The following BPHL variants were observed in gnomAD, a reference collection of about 807,000 sequenced individuals.
BPHL encodes the protein biphenyl hydrolase like.
Under a neutral mutation model 31.2 loss-of-function variants are expected in BPHL, and 27 were observed. That is an observed-to-expected ratio of 0.87 (90% CI 0.64 to 1.19). BPHL has a LOEUF of 1.19. Ranked by LOEUF, BPHL falls within the 50% of genes most tolerant of loss-of-function variation. BPHL has a pLI of 0.00. For missense variants in BPHL, 356 were observed against 375.7 expected, an observed-to-expected ratio of 0.95 and a Z score of 0.43; for synonymous variants, 150 against 146.8, an observed-to-expected ratio of 1.02 and a Z score of -0.16.
intron 5 of BPHL, chr6:3,139,552 G>T (rs373450575): frequency 6.6e-6 from 1 of 152,162 alleles, no homozygotes; most frequent in Non-Finnish European, 1.5e-5. Flanking sequence ...CGTGCAGGGC[G>T]GGGGAGCACT....
chr6:3,141,830 C>T (rs1052888525), intron 6 of BPHL, among the ~76,000 whole-genome samples: 5 of 151,776 alleles, frequency 3.3e-5, no homozygotes, highest in African/African-American at 4.8e-5. Context: ...AAAAATTAGC[C>T]GGGCATGGTG....
intron 3 of BPHL, among the ~76,000 whole-genome samples, chr6:3,128,762 G>T (rs929650431): frequency 6.6e-6 from 1 of 152,202 alleles, no homozygotes; most frequent in African/African-American, 2.4e-5. Context: ...TTAAGTACTT[G>T]GTCTCCATTG....
rs1343729158 is a variant in BPHL, at chr6:3,127,247, G to A, written c.217G>A (p.Gly73Arg). 1.3e-6 allele frequency: 2 copies of A among 1,545,676 alleles called. No individual in the cohort carries two copies. The highest frequency in any genetic ancestry group is 2.3e-5 in the East Asian group (1 of 43,304). ...AACCAAGTGGCTGTTTTTAGGAAGT[G>A]GAGAGACTGATTTTGGACCTCAGCT... is the stretch of plus-strand genomic sequence containing the variant. ...VLLLPGMLGS[G>R]ETDFGPQLKN... Residue 73 changes from glycine to arginine, a missense_variant, in exon 3 of 7, where the codon GGA (glycine) becomes AGA (arginine). Gly to Arg is a moderately radical substitution (Grantham distance 125, BLOSUM62 -2). Coordinates refer to ENST00000380379, the MANE Select transcript of BPHL (RefSeq NM_004332.4).
intron 6 of BPHL, among the ~76,000 whole-genome samples, chr6:3,145,968 TCGGAG>T (rs1762334480): frequency 1.5e-5 from 1 of 66,018 alleles, no homozygotes. Flanking sequence ...CTGGTTTGGG[TCGGAG>T]TGCTGGTTTG....
chr6:3,129,637 G>A (rs1163634678), intron 4 of BPHL, among the ~76,000 whole-genome samples: 1 of 152,150 alleles, frequency 6.6e-6, no homozygotes, highest in African/African-American at 2.4e-5. Context: ...TTGTGCCACT[G>A]CACTTTTGCC....
chr6:3,147,497 G>C (rs951482063), intron 6 of BPHL, among the ~76,000 whole-genome samples: 7 of 151,950 alleles, frequency 4.6e-5, no homozygotes, highest in African/African-American at 1.7e-4. Context: ...GCAGTGGCCC[G>C]ATCATAGCTC....
At chr6:3,129,544 C>T (rs1173948300) in intron 4 of BPHL, among the ~76,000 whole-genome samples, 2 of 152,124 alleles carry the variant, frequency 1.3e-5, no homozygotes, top group Non-Finnish European at 2.9e-5. Context: ...CACAGTGGCT[C>T]ATGCCTGTAA....
At chr6:3,128,958 T>G in intron 3 of BPHL, 87 bp from the exon 4 acceptor site, 1 of 1,578,294 alleles carries the variant, frequency 6.3e-7, no homozygotes, top group Non-Finnish European at 8.7e-7. Context: ...GCCTCACACC[T>G]GTATTGATTC....
intron 6 of BPHL, among the ~76,000 whole-genome samples, 185 bp from the exon 7 acceptor site, chr6:3,152,303 A>C (rs1762544436): frequency 6.6e-6 from 1 of 152,200 alleles, no homozygotes; most frequent in Non-Finnish European, 1.5e-5. Flanking sequence ...CATAAACTCC[A>C]AGAGTTTCAC....
chr6:3,130,991 G>A (rs568205096), intron 4 of BPHL, among the ~76,000 whole-genome samples: 3 of 152,062 alleles, frequency 2.0e-5, no homozygotes, highest in South Asian at 2.1e-4. Flanking sequence ...CCCCTCCCGC[G>A]GCCTCTAGGA....
intron 5 of BPHL, chr6:3,139,927 T>G (rs886947503): frequency 6.2e-6 from 1 of 161,738 alleles, no homozygotes; most frequent in Non-Finnish European, 1.3e-5. Context: ...AGAAGCTGCT[T>G]TACCGTGCGC....
intron 6 of BPHL, among the ~76,000 whole-genome samples, chr6:3,148,147 A>G (rs1032342383): frequency 6.6e-6 from 1 of 152,216 alleles, no homozygotes; most frequent in African/African-American, 2.4e-5. Flanking sequence ...TCACAGGGTG[A>G]AGGGCTGATG....
At chr6:3,139,019 C>T (rs1158781952) in intron 5 of BPHL, 1 of 152,108 alleles carries the variant, frequency 6.6e-6, no homozygotes, top group Non-Finnish European at 1.5e-5. Flanking sequence ...TGTAGGGATT[C>T]ATTGCATTGC....
intron 2 of BPHL, among the ~76,000 whole-genome samples, chr6:3,125,935 T>G (rs1339084979): frequency 6.6e-6 from 1 of 152,230 alleles, no homozygotes; most frequent in Admixed American, 6.5e-5. Context: ...ATCAGCAGAC[T>G]TCACTGATAA....
intron 1 of BPHL, 36 bp from the exon 2 acceptor site, chr6:3,123,621 C>T (rs372923387): frequency 6.3e-7 from 1 of 1,578,518 alleles, no homozygotes; most frequent in Non-Finnish European, 8.7e-7. Flanking sequence ...CCCATCTCCC[C>T]TTTCCCCCTG....
intron 4 of BPHL, among the ~76,000 whole-genome samples, chr6:3,134,438 CTT>C (rs554446648): frequency 2.3e-4 from 30 of 132,538 alleles, no homozygotes; most frequent in Non-Finnish European, 2.9e-4. Context: ...CTTTTCTTTC[CTT>C]TTTTTTTTTT....
chr6:3,126,793 G>A, intron 2 of BPHL: 1 of 140,514 alleles, frequency 7.1e-6, no homozygotes, highest in Non-Finnish European at 1.5e-5. Context: ...CTTGCCCTGT[G>A]CTCAGGCTGG....
At chr6:3,135,138 C>CA (rs1761978657) in intron 4 of BPHL, among the ~76,000 whole-genome samples, 1 of 152,254 alleles carries the variant, frequency 6.6e-6, no homozygotes, top group Non-Finnish European at 1.5e-5. Context: ...TCTTTCTTCT[C>CA]AAATGTTCCT....
At chr6:3,120,073 T>C (rs935046279) in intron 1 of BPHL, among the ~76,000 whole-genome samples, 2 of 152,190 alleles carry the variant, frequency 1.3e-5, no homozygotes, top group Non-Finnish European at 2.9e-5. Flanking sequence ...CTCGCTCTTT[T>C]GCCCATGCTG....
Sources: gnomAD v4.1 joint callset for allele counts (sites outside exome capture counted in the v4.1 genomes callset) on GRCh38, gnomAD v4.1.1 for gene constraint, MANE v1.5 for transcripts, NCBI Gene and HGNC (gene_info 2026-07-23, HGNC 2026-07-21) for gene names.